Variants in UTP4 observed in about 807,000 individuals in gnomAD.
The protein encoded by UTP4 is UTP4 small subunit processome component.
A neutral mutation model predicts 82.4 loss-of-function variants in UTP4; 45 were observed. The observed-to-expected ratio is 0.55, with a 90% CI of 0.43 to 0.70. The LOEUF is 0.70. Ranked by LOEUF, UTP4 falls within the 30% of genes least tolerant of loss-of-function variation. The pLI, the probability that UTP4 is intolerant of heterozygous loss-of-function variation, is 0.00. For missense variants in UTP4, 819 were observed against 858.3 expected (o/e 0.95, Z 0.57); for synonymous variants, 348 against 300.3 (o/e 1.16, Z -1.64).
At chr16:69,151,075 C>T (rs1463352842) in intron 8 of UTP4, among the ~76,000 whole-genome samples, 171 bp downstream of exon 8, 3 of 151,730 alleles carry the variant, frequency 2.0e-5, no homozygotes, top group East Asian at 3.9e-4. Flanking sequence ...GGCGCGATCT[C>T]GGCTCACCAC....
At chr16:69,165,620 A>G (rs1472797182) in intron 15 of UTP4, 94 bp downstream of exon 15, 2 of 1,057,346 alleles carry the variant, frequency 1.9e-6, no homozygotes, top group Non-Finnish European at 1.4e-6. Flanking sequence ...GAGACTCAGA[A>G]TAAAGGTAGC....
chr16:69,152,781 T>TTTTTTTA (rs1427642036), intron 8 of UTP4, among the ~76,000 whole-genome samples: 3 of 151,990 alleles, frequency 2.0e-5, no homozygotes, highest in Admixed American at 1.3e-4. Flanking sequence ...CCTCGGCTAA[T>TTTTTTTA]TTTTTTATTT....
At chr16:69,167,215 A>G (rs559151358) in intron 16 of UTP4, 30 bp downstream of exon 16, 2 of 1,437,594 alleles carry the variant, frequency 1.4e-6, no homozygotes, top group Non-Finnish European at 2.0e-6. Context: ...TATTCTGGAT[A>G]GTTGGTTCCT....
chr16:69,144,931 C>T (rs1963067214), intron 6 of UTP4, among the ~76,000 whole-genome samples: 1 of 152,086 alleles, frequency 6.6e-6, no homozygotes, highest in Non-Finnish European at 1.5e-5. Context: ...CACCTGAGGT[C>T]AGGAGTTCAA....
At chr16:69,138,826 G>A (rs1306810722) in intron 4 of UTP4, among the ~76,000 whole-genome samples, 3 of 152,124 alleles carry the variant, frequency 2.0e-5, no homozygotes, top group Admixed American at 2.0e-4. Flanking sequence ...ACAAGCAGTG[G>A]GCCTGATTTG....
chr16:69,136,990 G>A, intron 3 of UTP4, 103 bp downstream of exon 3: 1 of 968,912 alleles, frequency 1.0e-6, no homozygotes. Flanking sequence ...TATGGCATGT[G>A]GCAACCCCAA....
chr16:69,147,330 T>G (rs908598899), intron 6 of UTP4, among the ~76,000 whole-genome samples: 1 of 150,984 alleles, frequency 6.6e-6, no homozygotes, highest in Non-Finnish European at 1.5e-5. Flanking sequence ...ATGGTGAAAC[T>G]CTGTCTCTAC....
At chr16:69,160,277 G>T (rs1963529713) in intron 12 of UTP4, 79 bp from the exon 13 acceptor site, 9 of 1,064,384 alleles carry the variant, frequency 8.5e-6, no homozygotes, top group African/African-American at 3.1e-5. Flanking sequence ...GGTCTCCTTG[G>T]CTTTTGCCAT....
chr16:69,134,594 A>G (rs1962760182), intron 2 of UTP4, among the ~76,000 whole-genome samples: 2 of 152,004 alleles, frequency 1.3e-5, no homozygotes, highest in African/African-American at 4.8e-5. Context: ...GAACTAATCA[A>G]AAGGTAAAAA....
rs1456879274 is a variant in UTP4, at chr16:69,163,066, C to G, written c.1552-17C>G. On this transcript the variant is annotated splice_polypyrimidine_tract_variant and intron_variant, in intron 13 of 16. Coordinates refer to ENST00000314423, the MANE Select transcript of UTP4 (RefSeq NM_032830.3). ...TGTCACTTAGAGTTGCCACTTGTGTCTGTTATTTGTTCCCAGCTTCACTGC... is the reference window on the plus strand; with the variant it reads ...TGTCACTTAGAGTTGCCACTTGTGTGTGTTATTTGTTCCCAGCTTCACTGC... 1.9e-6 allele frequency: 3 copies of G among 1,601,582 alleles called. No individual in the cohort carries two copies. Among genetic ancestry groups the G allele is most frequent in the East Asian group, 2.2e-5 (1 of 44,828 alleles).
At chr16:69,139,484 CA>C (rs1489855393) in intron 4 of UTP4, among the ~76,000 whole-genome samples, 2 of 150,916 alleles carry the variant, frequency 1.3e-5, no homozygotes, top group South Asian at 4.2e-4. Context: ...ACTAAAAATA[CA>C]AAAATTAGCC....
chr16:69,137,251 A>G (rs1423538346), intron 3 of UTP4, among the ~76,000 whole-genome samples: 4 of 152,248 alleles, frequency 2.6e-5, no homozygotes, highest in African/African-American at 7.2e-5. Flanking sequence ...ACATCGGTAC[A>G]TGAAGAGTTC....
intron 6 of UTP4, among the ~76,000 whole-genome samples, chr16:69,149,915 G>A (rs542548816): frequency 6.4e-4 from 97 of 151,990 alleles, no homozygotes; most frequent in African/African-American, 1.9e-3. Context: ...TTTTAGTAGC[G>A]ACGGGGTTCA....
In UTP4 at chr16:69,163,162, C is replaced by A. The variant is rs4419053; in HGVS notation, c.1631C>A (p.Ala544Asp). 6.2e-7 allele frequency: 1 copy of A among 1,613,368 alleles called. No individual in the cohort carries two copies. Among genetic ancestry groups the A allele is most frequent in the East Asian group, 2.2e-5 (1 of 44,868 alleles). ...CCCAATACCAACAACCTTGTCATCG[C>A]TCATTCGGACCAGCAGGTAAGGGAG... ...IAPNTNNLVI[A>D]HSDQQVFEYS... Residue 544 changes from alanine to aspartate, a missense_variant, in exon 14 of 17, where the codon GCT becomes GAT. Transcript: ENST00000314423.
At chr16:69,163,556 C>A (rs532308284) in intron 14 of UTP4, among the ~76,000 whole-genome samples, 1 of 152,076 alleles carries the variant, frequency 6.6e-6, no homozygotes, top group Non-Finnish European at 1.5e-5. Flanking sequence ...GTATCATTCA[C>A]CTTTACGCTT....
intron 15 of UTP4, 102 bp downstream of exon 15, chr16:69,165,628 AG>A (rs2152284531): frequency 5.0e-6 from 5 of 992,522 alleles, no homozygotes; most frequent in Non-Finnish European, 6.2e-6. Flanking sequence ...GAATAAAGGT[AG>A]CTAGTAAATC....
At position 69,159,984 on chromosome 16, in the gene UTP4, C is replaced by CAA. The variant is rs747900916; in HGVS notation, c.1445-360_1445-359dup. Among the ~76,000 whole-genome samples the CAA allele has an allele frequency of 3.0e-3, 271 of 90,448 alleles. 1 individual carries two copies. Among genetic ancestry groups the CAA allele is most frequent in the Non-Finnish European group, 4.9e-3 (213 of 43,198 alleles). The allele number at this position is 90,448 out of a possible 152,430, so 59.3% of individuals were successfully genotyped here. A position where few individuals can be genotyped will look rare whatever the true frequency, so the allele number is the denominator to read the frequency against. On this transcript the variant is annotated intron_variant, in intron 12 of 16. Coordinates refer to ENST00000314423, the MANE Select transcript of UTP4 (RefSeq NM_032830.3). ...CGAGTGACAGAGCTAGACTCCATCTCAAAAAAAAAAAAACAAAAAACAGAA... is the reference window on the plus strand; with the variant it reads ...CGAGTGACAGAGCTAGACTCCATCTCAAAAAAAAAAAAAAACAAAAAACAGAA...
In UTP4 at chr16:69,160,459, A is replaced by G. The variant is rs945213190; in HGVS notation, c.1548A>G (p.Leu516=). Reference sequence around the variant, plus strand: ...TCCATGTCTACAACGTAAAACAGCTAAAGGTGAGCATAGGGTTTCATGGCA... The same window carrying G: ...TCCATGTCTACAACGTAAAACAGCTGAAGGTGAGCATAGGGTTTCATGGCA... ...AGVHVYNVKQ[L]KLHCTVPAYN... The change falls in exon 13 of 17, where the codon CTA becomes CTG. Residue 516 remains leucine, a synonymous_variant. Transcript: ENST00000314423. 6 of 1,611,512 alleles carry G rather than the reference A, an allele frequency of 3.7e-6. No homozygotes were observed. Among genetic ancestry groups the G allele is most frequent in the South Asian group, 1.1e-5 (1 of 91,034 alleles).
intron 12 of UTP4, among the ~76,000 whole-genome samples, chr16:69,157,939 T>C (rs1480186246): frequency 7.0e-6 from 1 of 142,732 alleles, no homozygotes; most frequent in Admixed American, 7.2e-5. Context: ...GTTCATATAA[T>C]GTTCCTGAGA....
Sources: allele counts gnomAD v4.1 joint callset (sites outside exome capture counted in the v4.1 genomes callset), GRCh38; gene constraint gnomAD v4.1.1; transcripts MANE v1.5; gene names NCBI Gene and HGNC (gene_info 2026-07-23, HGNC 2026-07-21).